The following ARHGAP15 variants were observed in gnomAD, a reference collection of about 807,000 sequenced individuals.
ARHGAP15 encodes rho GTPase-activating protein 15.
Under a neutral mutation model 63.7 loss-of-function variants are expected in ARHGAP15, and 51 were observed. The observed-to-expected ratio is 0.80, with a 90% CI of 0.64 to 1.01. ARHGAP15 has a LOEUF of 1.01. Among genes scored for constraint, ARHGAP15 ranks in the 50% least tolerant of loss-of-function variants. The probability of loss-of-function intolerance (pLI) is 0.00; values close to 1 mark genes in which losing one functional copy is unlikely to be tolerated. For missense variants in ARHGAP15, 560 were observed against 564.6 expected, an observed-to-expected ratio of 0.99 and a Z score of 0.08; for synonymous variants, 191 against 193.8, an observed-to-expected ratio of 0.99 and a Z score of 0.12.
rs530649556 is a variant in ARHGAP15, at chr2:143,376,689, T to C, written c.475-58912T>C. On this transcript the variant is annotated intron_variant, in intron 6 of 13. Coordinates refer to ENST00000295095, the MANE Select transcript of ARHGAP15 (RefSeq NM_018460.4). ...CATATAAAATCTATCATTAATATTATAATAATTTAATATTTAATTTAAATT... is the reference window on the plus strand; with the variant it reads ...CATATAAAATCTATCATTAATATTACAATAATTTAATATTTAATTTAAATT... Among the ~76,000 whole-genome samples the C allele has an allele frequency of 2.6e-4, 39 of 151,970 alleles. No homozygotes were observed. In the East Asian group the frequency reaches 7.1e-3, roughly 28 times the overall value.
intron 4 of ARHGAP15, among the ~76,000 whole-genome samples, chr2:143,217,219 CAT>C (rs1692791073): frequency 2.6e-5 from 4 of 152,124 alleles, no homozygotes; most frequent in Admixed American, 2.0e-4. Flanking sequence ...CAATGGGACA[CAT>C]GTTAGTTGTA....
At chr2:143,618,998 ATT>A (rs11349449) in intron 11 of ARHGAP15, among the ~76,000 whole-genome samples, 9 of 150,036 alleles carry the variant, frequency 6.0e-5, no homozygotes, top group South Asian at 2.1e-4. Context: ...ACTTTTTGTT[ATT>A]TTTTTTTTTA....
intron 13 of ARHGAP15, among the ~76,000 whole-genome samples, chr2:143,761,421 A>T (rs1401055583): frequency 1.3e-5 from 2 of 152,174 alleles, no homozygotes; most frequent in African/African-American, 4.8e-5. Flanking sequence ...CATTTCTAAT[A>T]CACCTTCATA....
intron 9 of ARHGAP15, among the ~76,000 whole-genome samples, chr2:143,518,186 T>C (rs113301938): frequency 1.3e-5 from 2 of 152,336 alleles, no homozygotes; most frequent in Admixed American, 6.5e-5. Flanking sequence ...ATGTTATATG[T>C]GTTTTACCAC....
intron 6 of ARHGAP15, among the ~76,000 whole-genome samples, chr2:143,396,310 G>C (rs904730150): frequency 1.8e-4 from 28 of 152,018 alleles, no homozygotes; most frequent in African/African-American, 6.8e-4. Flanking sequence ...GAGTAAGAAC[G>C]TTATTAGTAA....
chr2:143,673,340 C>T (rs964112909), intron 12 of ARHGAP15, among the ~76,000 whole-genome samples: 1 of 152,102 alleles, frequency 6.6e-6, no homozygotes, highest in Non-Finnish European at 1.5e-5. Context: ...CTCTGTCACC[C>T]AGGCTAGAGT....
At chr2:143,609,245 C>T (rs1698161450) in intron 11 of ARHGAP15, among the ~76,000 whole-genome samples, 1 of 152,194 alleles carries the variant, frequency 6.6e-6, no homozygotes, top group African/African-American at 2.4e-5. Flanking sequence ...AATAGGACAA[C>T]TCTACTGGCT....
At chr2:143,637,839 A>T (rs192898321) in intron 12 of ARHGAP15, among the ~76,000 whole-genome samples, 126 of 152,302 alleles carry the variant, frequency 8.3e-4, no homozygotes, top group African/African-American at 2.8e-3. Flanking sequence ...AAGTGGGCGA[A>T]GGACATGAAC....
intron 6 of ARHGAP15, among the ~76,000 whole-genome samples, chr2:143,280,017 C>T (rs567252285): frequency 1.3e-5 from 2 of 152,164 alleles, no homozygotes; most frequent in Non-Finnish European, 2.9e-5. Flanking sequence ...CCCCCAAACA[C>T]TTTAGAGAAG....
intron 3 of ARHGAP15, among the ~76,000 whole-genome samples, chr2:143,212,429 A>T (rs776316030): frequency 1.3e-5 from 2 of 152,180 alleles, no homozygotes; most frequent in Non-Finnish European, 2.9e-5. Context: ...GCTTCTAAGG[A>T]ACATTGGACA....
At chr2:143,662,109 T>A (rs566363139) in intron 12 of ARHGAP15, among the ~76,000 whole-genome samples, 8 of 152,370 alleles carry the variant, frequency 5.3e-5, no homozygotes, top group South Asian at 2.1e-4. Context: ...GCTCCACCTC[T>A]GGGGGCAGGG....
intron 10 of ARHGAP15, among the ~76,000 whole-genome samples, chr2:143,537,300 T>C (rs1394165675): frequency 6.6e-6 from 1 of 152,182 alleles, no homozygotes; most frequent in Non-Finnish European, 1.5e-5. Context: ...ATGAGTAAGT[T>C]GCAAAAATTT....
At chr2:143,410,703 T>C (rs1688404819) in intron 6 of ARHGAP15, among the ~76,000 whole-genome samples, 1 of 151,950 alleles carries the variant, frequency 6.6e-6, no homozygotes, top group Non-Finnish European at 1.5e-5. Flanking sequence ...TATGTGTTGC[T>C]ATGACAACAA....
chr2:143,205,330 C>T (rs1431823559), intron 3 of ARHGAP15, among the ~76,000 whole-genome samples: 3 of 151,496 alleles, frequency 2.0e-5, no homozygotes, highest in Non-Finnish European at 4.4e-5. Context: ...TCCATGTACA[C>T]TTCTGTTACC....
intron 1 of ARHGAP15, among the ~76,000 whole-genome samples, chr2:143,131,946 T>G (rs190772177): frequency 1.7e-3 from 255 of 152,174 alleles, no homozygotes; most frequent in Middle Eastern, 3.4e-3. Context: ...CAGTGATGTA[T>G]CCATTTCTTT....
At chr2:143,434,386 C>T (rs1689518326) in intron 6 of ARHGAP15, among the ~76,000 whole-genome samples, 1 of 152,010 alleles carries the variant, frequency 6.6e-6, no homozygotes, top group Admixed American at 6.6e-5. Context: ...TATATATGCA[C>T]ATATGTAACA....
chr2:143,534,705 ACTGT>A, intron 10 of ARHGAP15, among the ~76,000 whole-genome samples: 1 of 151,932 alleles, frequency 6.6e-6, no homozygotes, highest in African/African-American at 2.4e-5. Context: ...ATGGCAAAAC[ACTGT>A]CTGTACAAAA....
chr2:143,677,639 T>C (rs1682891266), intron 12 of ARHGAP15, among the ~76,000 whole-genome samples: 2 of 152,184 alleles, frequency 1.3e-5, no homozygotes, highest in Non-Finnish European at 2.9e-5. Flanking sequence ...TTGATTTGAT[T>C]GGACTGGATG....
chr2:143,750,144 A>G (rs1020362845), intron 13 of ARHGAP15, among the ~76,000 whole-genome samples: 1 of 152,244 alleles, frequency 6.6e-6, no homozygotes, highest in African/African-American at 2.4e-5. Flanking sequence ...CATATAATAA[A>G]AATTAATGTT....
Sources: allele counts gnomAD v4.1 joint callset (sites outside exome capture counted in the v4.1 genomes callset), GRCh38; gene constraint gnomAD v4.1.1; transcripts MANE v1.5; gene names NCBI Gene and HGNC (gene_info 2026-07-23, HGNC 2026-07-21).